Variants in CDC42EP4 observed in about 807,000 individuals in gnomAD.
CDC42EP4 encodes the protein CDC42 effector protein (Rho GTPase binding) 4.
A neutral mutation model predicts 5.6 loss-of-function variants in CDC42EP4; 6 were observed. The observed-to-expected ratio is 1.07, with a 90% confidence interval of 0.59 to 2.12. The LOEUF (loss-of-function observed/expected upper bound fraction) is 2.12, where lower values mean the gene tolerates loss of function less well. CDC42EP4 is among the 30% of genes most tolerant of loss of function. The probability of loss-of-function intolerance (pLI) is 0.00; values close to 1 mark genes in which losing one functional copy is unlikely to be tolerated. For missense variants in CDC42EP4, 490 were observed against 508.6 expected (o/e 0.96, Z 0.35); for synonymous variants, 230 against 224.2 (o/e 1.03, Z -0.23).
In CDC42EP4 at chr17:73,285,507, G is replaced by A. The variant is rs538395153; in HGVS notation, c.994C>T (p.Arg332Trp). Residue 332 changes from arginine to tryptophan, a missense_variant, in exon 2 of 2, where the codon CGG becomes TGG. Transcript: ENST00000335793. This position sits in a 1 kb window ranked among gnomAD's most constrained non-coding sequence, Gnocchi z 6.8. ...TCTGGCTGTCTTGAGACAGCAGCCC[G>A]GGCCCTGTCCGGCCCCCGGAAGGCA... ...SPAFRGPDRA[R>W]AAVSRQPDKE... is the part of the protein sequence containing the mutation. The A allele has an allele frequency of 6.2e-6, 10 of 1,607,888 alleles. No homozygotes were observed. The highest frequency in any genetic ancestry group is 2.2e-5 in the South Asian group (2 of 90,780).
chr17:73,295,798 G>T (rs1045964943), intron 1 of CDC42EP4, among the ~76,000 whole-genome samples: 4 of 151,674 alleles, frequency 2.6e-5, no homozygotes, highest in Admixed American at 2.6e-4. Context: ...CCAGCTACTA[G>T]GGAGGCTGAG....
chr17:73,302,612 C>T (rs1245458735), intron 1 of CDC42EP4, among the ~76,000 whole-genome samples: 1 of 152,098 alleles, frequency 6.6e-6, no homozygotes, highest in Non-Finnish European at 1.5e-5. Context: ...GTAGCTGGGA[C>T]TACAGGTGTG....
intron 1 of CDC42EP4, among the ~76,000 whole-genome samples, chr17:73,297,460 T>C (rs1013279895): frequency 4.6e-5 from 7 of 151,584 alleles, no homozygotes; most frequent in Non-Finnish European, 1.0e-4. Flanking sequence ...GGCAATAGAG[T>C]GAGACTCTGT....
At chr17:73,305,119 G>A (rs1029451820) in intron 1 of CDC42EP4, among the ~76,000 whole-genome samples, 25 of 152,352 alleles carry the variant, frequency 1.6e-4, no homozygotes, top group Admixed American at 1.2e-3. Context: ...GGGAGTGACC[G>A]GAAGCAACAA....
chr17:73,286,655 C>T lies in CDC42EP4; in HGVS notation c.-112-43G>A, dbSNP rs2145305828. 3 of 610,554 alleles carry T rather than the reference C, an allele frequency of 4.9e-6. No individual in the cohort carries two copies. In the South Asian group the frequency reaches 6.3e-5, roughly 13 times the overall value. The allele number at this position is 610,554 out of a possible 1,614,324, so 37.8% of individuals were successfully genotyped here. ...GAGGCAAAGGATTAACGCGGGCTGG[C>T]CACACGGCACAAAAGCCTCTTTGCC... On this transcript the variant is annotated intron_variant, in intron 1 of 1. Transcript: ENST00000335793. This position sits in a 1 kb window ranked among gnomAD's most constrained non-coding sequence, Gnocchi z 7.7.
intron 1 of CDC42EP4, chr17:73,307,447 CT>C (rs398031541): frequency 0.023 from 3,062 of 132,740 alleles, 101 homozygotes; most frequent in African/African-American, 0.072. Flanking sequence ...TTCTTTCTTT[CT>C]TTTTTTTTTT....
At chr17:73,297,172 T>TA (rs201331944) in intron 1 of CDC42EP4, among the ~76,000 whole-genome samples, 39,181 of 149,352 alleles carry the variant, frequency 0.26, 5,477 homozygotes, top group Middle Eastern at 0.31. Context: ...CAGGCGCCTG[T>TA]AATCCCAGCT....
At chr17:73,303,662 C>CAA (rs542149787) in intron 1 of CDC42EP4, among the ~76,000 whole-genome samples, 26 of 83,900 alleles carry the variant, frequency 3.1e-4, no homozygotes, top group African/African-American at 6.1e-4. Context: ...ACTCTGTCTC[C>CAA]AAAAAAAAAA....
intron 1 of CDC42EP4, among the ~76,000 whole-genome samples, chr17:73,308,164 C>A (rs952056639): frequency 1.3e-5 from 2 of 152,184 alleles, no homozygotes; most frequent in Admixed American, 6.5e-5. Flanking sequence ...ATGGGCTTGG[C>A]CTTCCTAGAG....
At chr17:73,296,976 G>T (rs1474833492) in intron 1 of CDC42EP4, among the ~76,000 whole-genome samples, 1 of 14,686 alleles carries the variant, frequency 6.8e-5, no homozygotes, top group South Asian at 3.6e-3. Flanking sequence ...GCAAGACTCC[G>T]TCTCAAAAAA....
chr17:73,297,242 C>A (rs1427161627), intron 1 of CDC42EP4, among the ~76,000 whole-genome samples: 3 of 124,432 alleles, frequency 2.4e-5, no homozygotes, highest in Non-Finnish European at 5.0e-5. Context: ...TGCTGTGAGC[C>A]AAGGTCGCGC....
Position 73,284,185 on chromosome 17 carries a change from ACT to A in CDC42EP4, c.*1243_*1244del, listed in dbSNP as rs1414212977. 3.3e-5 allele frequency: 5 copies of A among 152,012 alleles called. No homozygotes were observed. Among genetic ancestry groups the A allele is most frequent in the Admixed American group, 6.6e-5 (1 of 15,252 alleles). 9.4% of individuals were successfully genotyped at this position (152,012 alleles called of 1,614,324 possible). On this transcript the variant is annotated 3_prime_UTR_variant, in exon 2 of 2. Coordinates refer to ENST00000335793, the MANE Select transcript of CDC42EP4 (RefSeq NM_012121.5). ...ACCTGAAATTTGCGTTTAACTCAGC[ACT>A]CTGTTTTGGTTTTGCTAAATCTGGC...
chr17:73,291,652 C>A (rs1006986542), intron 1 of CDC42EP4, among the ~76,000 whole-genome samples: 3 of 152,068 alleles, frequency 2.0e-5, no homozygotes, highest in Non-Finnish European at 4.4e-5. Flanking sequence ...GGCTGCCCAA[C>A]GTGGGGCAGG....
At chr17:73,292,873 A>T (rs1354665450) in intron 1 of CDC42EP4, among the ~76,000 whole-genome samples, 1 of 152,202 alleles carries the variant, frequency 6.6e-6, no homozygotes, top group Admixed American at 6.5e-5. Context: ...ACCTGCCATC[A>T]TGCCCAGTTA....
intron 1 of CDC42EP4, chr17:73,310,743 T>TCTCA (rs1278137460): frequency 6.4e-4 from 86 of 134,628 alleles, no homozygotes; most frequent in Middle Eastern, 3.8e-3. Flanking sequence ...CCTCCCCCAG[T>TCTCA]CACACACACA....
chr17:73,311,320 G>T (rs1253870281), intron 1 of CDC42EP4: 1 of 152,700 alleles, frequency 6.5e-6, no homozygotes, highest in Non-Finnish European at 1.5e-5. Flanking sequence ...CTTCCCGGCC[G>T]GGTGACATTG....
intron 1 of CDC42EP4, among the ~76,000 whole-genome samples, chr17:73,291,553 G>C (rs554587902): frequency 1.3e-5 from 2 of 152,310 alleles, no homozygotes; most frequent in South Asian, 4.1e-4. Flanking sequence ...CCTGGGGGCA[G>C]CTATGGTTTG....
chr17:73,286,398 G>A lies in CDC42EP4; in HGVS notation c.103C>T (p.Arg35Cys), dbSNP rs748724812. Residue 35 changes from arginine (R) to cysteine (C), a missense_variant, in exon 2 of 2, where the codon CGC (arginine) becomes TGC (cysteine). Physicochemically the swap from Arg to Cys is radical, Grantham distance 180. Transcript: ENST00000335793. The surrounding 1 kb of genome is among the most constrained non-coding windows in gnomAD (Gnocchi z 7.7). Reference protein sequence around the residue: ...EMISAPLGDFRHTMHVGRAGD... With the variant: ...EMISAPLGDFCHTMHVGRAGD... ...GCCCGGCCAACGTGCATGGTGTGGC[G>A]GAAGTCGCCCAGCGGGGCGCTGATC... The A allele has an allele frequency of 9.3e-6, 15 of 1,613,842 alleles. No homozygotes were observed. Among genetic ancestry groups the A allele is most frequent in the Middle Eastern group, 1.6e-4 (1 of 6,084 alleles).
intron 1 of CDC42EP4, among the ~76,000 whole-genome samples, chr17:73,302,240 G>A (rs2062222687): frequency 6.6e-6 from 1 of 152,172 alleles, no homozygotes; most frequent in South Asian, 2.1e-4. Flanking sequence ...TTGGGCTTTG[G>A]AAGTGGATAA....
Sources: allele counts gnomAD v4.1 joint callset (sites outside exome capture counted in the v4.1 genomes callset), GRCh38; gene constraint gnomAD v4.1.1; non-coding constraint Gnocchi (gnomAD v3.1); transcripts MANE v1.5; gene names NCBI Gene and HGNC (gene_info 2026-07-23, HGNC 2026-07-21).